VAC14: variants seen among roughly 807,000 people sequenced by gnomAD.
The protein encoded by VAC14 is VAC14 component of PIKFYVE complex.
In VAC14, 47 loss-of-function variants were observed where a neutral mutation model predicts 85.3. The observed-to-expected ratio is 0.55, with a 90% CI of 0.44 to 0.70. The LOEUF (loss-of-function observed/expected upper bound fraction) is 0.70, where lower values mean the gene tolerates loss of function less well. Among genes scored for constraint, VAC14 ranks in the 30% least tolerant of loss-of-function variants. The pLI is 0.00. For synonymous variants in VAC14, 447 were observed against 430.5 expected, an observed-to-expected ratio of 1.04 and a Z score of -0.47; for missense variants, 861 against 1,004.3, an observed-to-expected ratio of 0.86 and a Z score of 1.93.
At chr16:70,738,068 G>T (rs1411382425) in intron 13 of VAC14, among the ~76,000 whole-genome samples, 1 of 152,234 alleles carries the variant, frequency 6.6e-6, no homozygotes. Context: ...GAACCAGGCA[G>T]GGCTAAAGAG....
chr16:70,741,998 C>T (rs2030366127), intron 13 of VAC14, among the ~76,000 whole-genome samples: 1 of 152,238 alleles, frequency 6.6e-6, no homozygotes, highest in African/African-American at 2.4e-5. Flanking sequence ...CCCAGGCTGC[C>T]CTCGGCAGTC....
chr16:70,764,187 G>A (rs966103742), intron 10 of VAC14, among the ~76,000 whole-genome samples: 3 of 152,156 alleles, frequency 2.0e-5, no homozygotes, highest in African/African-American at 4.8e-5. Flanking sequence ...ATGATTCTGC[G>A]CTCTGTAATT....
chr16:70,792,865 T>C (rs1567613135), intron 1 of VAC14, among the ~76,000 whole-genome samples: 1 of 152,230 alleles, frequency 6.6e-6, no homozygotes, highest in Non-Finnish European at 1.5e-5. Flanking sequence ...CTGCTGAGTA[T>C]TCCAGGGGTC....
chr16:70,709,585 G>A (rs986773050), intron 14 of VAC14, among the ~76,000 whole-genome samples: 1 of 152,166 alleles, frequency 6.6e-6, no homozygotes, highest in Non-Finnish European at 1.5e-5. Flanking sequence ...TGTCTCCAAG[G>A]GTACGAGAGG....
chr16:70,768,950 G>A, intron 10 of VAC14: 1 of 306,524 alleles, frequency 3.3e-6, no homozygotes, highest in Non-Finnish European at 6.4e-6. Context: ...ACAGGTAAGT[G>A]CCACCACGCC....
intron 10 of VAC14, among the ~76,000 whole-genome samples, chr16:70,767,282 CA>C (rs2032890978): frequency 6.6e-6 from 1 of 152,200 alleles, no homozygotes; most frequent in Non-Finnish European, 1.5e-5. Flanking sequence ...GACAGCACTT[CA>C]TTTCTGTAAC....
chr16:70,704,722 G>C (rs1257063260), intron 14 of VAC14, among the ~76,000 whole-genome samples: 2 of 152,218 alleles, frequency 1.3e-5, no homozygotes, highest in African/African-American at 4.8e-5. Flanking sequence ...TAGAGGCTAG[G>C]GACAGCCGGA....
chr16:70,767,098 CCA>C (rs1281098606), intron 10 of VAC14, among the ~76,000 whole-genome samples: 2 of 152,308 alleles, frequency 1.3e-5, no homozygotes, highest in African/African-American at 4.8e-5. Flanking sequence ...CTGCAAAATT[CCA>C]TTTTCATGGA....
At chr16:70,765,263 A>G (rs2032717165) in intron 10 of VAC14, among the ~76,000 whole-genome samples, 1 of 152,114 alleles carries the variant, frequency 6.6e-6, no homozygotes, top group Admixed American at 6.5e-5. Flanking sequence ...CCTGGGAGGA[A>G]GGCCTTGTTT....
At chr16:70,752,197 G>A (rs959867728) in intron 12 of VAC14, among the ~76,000 whole-genome samples, 1 of 152,242 alleles carries the variant, frequency 6.6e-6, no homozygotes, top group Non-Finnish European at 1.5e-5. Context: ...CCAGCACTGT[G>A]CCACATATGC....
At position 70,697,177 on chromosome 16, in the gene VAC14, G is replaced by A; in HGVS notation, c.1917C>T (p.Thr639=). 6.2e-7 allele frequency: 1 copy of A among 1,613,994 alleles called. No homozygotes were observed. Among genetic ancestry groups the A allele is most frequent in the Admixed American group, 1.7e-5 (1 of 60,018 alleles). ...GGTCATAGGCGTGCCGGTAGTTCTG[G>A]GTGAGGAAGCAGAGGGACACCGTGG... ...PVTTVSLCFL[T]QNYRHAYDLI... Residue 639 remains threonine (T), a synonymous_variant, in exon 16 of 19, where the codon ACC becomes ACT. Transcript: ENST00000261776.
intron 14 of VAC14, among the ~76,000 whole-genome samples, chr16:70,718,126 TCA>T (rs962180014): frequency 2.0e-5 from 3 of 152,242 alleles, no homozygotes; most frequent in African/African-American, 7.2e-5. Context: ...CCTCGGCTCC[TCA>T]CAGTTATCTA....
In VAC14 at chr16:70,784,227, A is replaced by G; in HGVS notation, c.487-7T>C. ...TGCTCTCAGTCACAATGTCCTGTGGATCAGAGGAAAGTGAGCTGCCGAGAG... is the reference window on the plus strand; with the variant it reads ...TGCTCTCAGTCACAATGTCCTGTGGGTCAGAGGAAAGTGAGCTGCCGAGAG... On this transcript the variant is annotated splice_region_variant and splice_polypyrimidine_tract_variant and intron_variant, in intron 4 of 18. Transcript: ENST00000261776. The G allele has an allele frequency of 1.2e-6, 2 of 1,612,994 alleles. No homozygotes were observed. Among genetic ancestry groups the G allele is most frequent in the Admixed American group, 1.7e-5 (1 of 60,014 alleles).
intron 1 of VAC14, among the ~76,000 whole-genome samples, chr16:70,792,418 A>C (rs2034379534): frequency 6.6e-6 from 1 of 152,196 alleles, no homozygotes; most frequent in Non-Finnish European, 1.5e-5. Context: ...AAGGGCATGG[A>C]CATCGCTGTC....
At chr16:70,720,492 C>T (rs1021826059) in intron 14 of VAC14, among the ~76,000 whole-genome samples, 4 of 152,132 alleles carry the variant, frequency 2.6e-5, no homozygotes, top group Non-Finnish European at 4.4e-5. Context: ...GACGGCAAGA[C>T]CAAGCTGAAA....
intron 5 of VAC14, 128 bp from the exon 6 acceptor site, chr16:70,783,682 C>A: frequency 1.1e-6 from 1 of 882,744 alleles, no homozygotes; most frequent in Non-Finnish European, 1.8e-6. Context: ...GTGCAGGTGT[C>A]CCATGTGGGA....
At chr16:70,688,120 T>C (rs2053533302) in intron 18 of VAC14, 30 bp from the exon 19 acceptor site, 13 of 1,510,600 alleles carry the variant, frequency 8.6e-6, no homozygotes, top group South Asian at 1.3e-5. Flanking sequence ...ATGCTCAGTG[T>C]CAGGGATCAG....
At chr16:70,698,302 C>T (rs950155127) in intron 15 of VAC14, among the ~76,000 whole-genome samples, 14 of 152,208 alleles carry the variant, frequency 9.2e-5, no homozygotes, top group African/African-American at 2.4e-4. Flanking sequence ...GGTGGGCCCA[C>T]GGCCAGCAGA....
chr16:70,762,452 C>T lies in VAC14; in HGVS notation c.1371+88G>A, dbSNP rs983054517. 19 of 1,334,856 alleles carry T rather than the reference C, an allele frequency of 1.4e-5. No individual in the cohort carries two copies. The highest frequency in any genetic ancestry group is 3.7e-5 in the Admixed American group (2 of 54,354). 82.7% of individuals were successfully genotyped at this position (1,334,856 alleles called of 1,614,324 possible). ...CAGCTTTACCTCTAGGAAGGATGCA[C>T]TGTACCAAAATAAGCATATCTCAGT... On this transcript the variant is annotated intron_variant, in intron 12 of 18. Coordinates refer to ENST00000261776, the MANE Select transcript of VAC14 (RefSeq NM_018052.5). This position sits in a 1 kb window ranked among gnomAD's most constrained non-coding sequence, Gnocchi z 4.1.
Sources: gnomAD v4.1 joint callset for allele counts (sites outside exome capture counted in the v4.1 genomes callset) on GRCh38, gnomAD v4.1.1 for gene constraint, Gnocchi (gnomAD v3.1) non-coding constraint, MANE v1.5 for transcripts, NCBI Gene and HGNC (gene_info 2026-07-23, HGNC 2026-07-21) for gene names.